ZSCAN12: variants seen among roughly 807,000 people sequenced by gnomAD.
ZSCAN12 encodes zinc finger and SCAN domain containing 12, also known as zinc finger and SCAN domain-containing protein 12.
ZSCAN12 carries 18 observed loss-of-function variants against 23.4 expected under a neutral mutation model. The ratio of observed to expected loss-of-function variants is 0.77; its 90% confidence interval spans 0.53 to 1.14. The LOEUF is 1.14. Ranked by LOEUF, ZSCAN12 falls within the 50% of genes most tolerant of loss-of-function variation. The probability of loss-of-function intolerance (pLI) is 0.00; values close to 1 mark genes in which losing one functional copy is unlikely to be tolerated. For missense variants in ZSCAN12, 650 were observed against 735.0 expected (o/e 0.88, Z 1.34); for synonymous variants, 186 against 253.4 (o/e 0.73, Z 2.53).
At chr6:28,382,307 T>C, downstream of ZSCAN12, 1 of 879,564 alleles carries the variant, frequency 1.1e-6, no homozygotes, top group Non-Finnish European at 1.6e-6. Context: ...GACAGCTCTG[T>C]GAAGTCCAAG....
downstream of ZSCAN12, chr6:28,381,647 C>G (rs1760248810): frequency 7.0e-6 from 1 of 143,420 alleles, no homozygotes; most frequent in Non-Finnish European, 1.5e-5. Flanking sequence ...CTAAAAGCTT[C>G]CCGTGAGGCT....
At chr6:28,399,293 C>T (rs529440986) in intron 1 of ZSCAN12, among the ~76,000 whole-genome samples, 3 of 152,300 alleles carry the variant, frequency 2.0e-5, no homozygotes, top group South Asian at 2.1e-4. Flanking sequence ...CCTCTAACCT[C>T]GTGGTCTGTG....
At chr6:28,379,949 T>G (rs1329586600), downstream of ZSCAN12, 1 of 152,220 alleles carries the variant, frequency 6.6e-6, no homozygotes, top group East Asian at 1.9e-4. Context: ...AAAACAGAGA[T>G]AATCATCCAG....
At position 28,392,959 on chromosome 6, in the gene ZSCAN12, A is replaced by C. The variant is rs998764807; in HGVS notation, c.490T>G (p.Ser164Ala). ...KEGEPSMSLQ[S>A]MKAQPKYESP... is the part of the protein sequence containing the mutation. ...TCATACTTTGGCTGGGCTTTCATGG[A>C]CTGGAGGGACATACTGGGTTCTCCT... Residue 164 changes from serine (S) to alanine (A), a missense_variant, in exon 3 of 4, where the codon TCC (serine) becomes GCC (alanine). Physicochemically the swap from Ser to Ala is moderately conservative, Grantham distance 99. Transcript: ENST00000684592. 1 of 1,552,170 alleles carries C rather than the reference A, an allele frequency of 6.4e-7. No homozygotes were observed. The highest frequency in any genetic ancestry group is 1.4e-5 in the African/African-American group (1 of 73,154).
Position 28,398,018 on chromosome 6 carries a change from C to A in ZSCAN12, c.388G>T (p.Glu130Ter). ...VLEDLERELD[E>*]PGEQVSVHTG... is the part of the protein sequence containing the mutation. The stretch of plus-strand genomic sequence containing the variant: ...TTTTTTCTCACCTGCTCTCCTGGTT[C>A]ATCCAGTTCTCTCTCTAAATCCTCC... The change falls in exon 2 of 4, where the codon GAA (glutamate) becomes TAA (stop). Residue 130 changes from glutamate (E) to a stop codon, truncating the protein, a stop_gained. Coordinates refer to ENST00000684592, the MANE Select transcript of ZSCAN12 (RefSeq NM_001163391.2). LOFTEE classifies it high-confidence loss of function. 6.3e-7 allele frequency: 1 copy of A among 1,594,884 alleles called. No homozygotes were observed. The highest frequency in any genetic ancestry group is 1.1e-5 in the South Asian group (1 of 88,372).
At chr6:28,398,741 C>A (rs1170123724) in intron 1 of ZSCAN12, among the ~76,000 whole-genome samples, 2 of 146,882 alleles carry the variant, frequency 1.4e-5, no homozygotes, top group African/African-American at 5.1e-5. Context: ...CATGGTGAAA[C>A]CCCGTCTCTA....
chr6:28,384,042 A>C (rs1277855900), downstream of ZSCAN12, among the ~76,000 whole-genome samples: 1 of 137,386 alleles, frequency 7.3e-6, no homozygotes, highest in Non-Finnish European at 1.6e-5. Flanking sequence ...CATAGGAGGA[A>C]ACTGAGGGAC....
In ZSCAN12 at chr6:28,388,837, A is replaced by G. The variant is rs142865926; in HGVS notation, c.*1617T>C. Among the ~76,000 whole-genome samples the G allele has an allele frequency of 4.6e-5, 7 of 152,316 alleles. No individual in the cohort carries two copies. The highest frequency in any genetic ancestry group is 6.8e-3 in the Middle Eastern group (2 of 294). On this transcript the variant is annotated 3_prime_UTR_variant, in exon 4 of 4. Coordinates refer to ENST00000684592, the MANE Select transcript of ZSCAN12 (RefSeq NM_001163391.2). Reference sequence around the variant, plus strand: ...GGCAGGGTAGAAAAGGAAGGAAATAACAGGCCATCTCAGTAGAGATTAAGA... The same window carrying G: ...GGCAGGGTAGAAAAGGAAGGAAATAGCAGGCCATCTCAGTAGAGATTAAGA...
chr6:28,395,676 C>G (rs1276324786), intron 2 of ZSCAN12, among the ~76,000 whole-genome samples: 2 of 152,230 alleles, frequency 1.3e-5, no homozygotes, highest in Non-Finnish European at 2.9e-5. Context: ...CTTTCCATCT[C>G]AGAATACAAT....
At chr6:28,392,162 G>A (rs1760872128) in intron 3 of ZSCAN12, among the ~76,000 whole-genome samples, 1 of 150,824 alleles carries the variant, frequency 6.6e-6, no homozygotes, top group Admixed American at 6.6e-5. Flanking sequence ...TGCAACATTT[G>A]TTTTATTATT....
chr6:28,383,710 A>T (rs1434004292), downstream of ZSCAN12, among the ~76,000 whole-genome samples: 4 of 152,084 alleles, frequency 2.6e-5, no homozygotes, highest in Non-Finnish European at 5.9e-5. Context: ...AAAGGGAAGA[A>T]ATCTCTCCTT....
At chr6:28,381,658 CTCCTCT>C (rs761053657), downstream of ZSCAN12, 2 of 140,946 alleles carry the variant, frequency 1.4e-5, no homozygotes, top group Non-Finnish European at 3.0e-5. Flanking sequence ...CCGTGAGGCT[CTCCTCT>C]TCTTTCTCTC....
At chr6:28,378,954 T>A (rs1014144987), downstream of ZSCAN12, 1 of 152,134 alleles carries the variant, frequency 6.6e-6, no homozygotes, top group Non-Finnish European at 1.5e-5. Flanking sequence ...CAGAACACAG[T>A]CCATCTTTGA....
In ZSCAN12 at chr6:28,387,338, G is replaced by A. The variant is rs1165951941; in HGVS notation, c.*3116C>T. ...ACCCCAAGTAAAGGCACTCAGAGGA[G>A]TAGAAGGCAAGTTTAAAACAACGAT... On this transcript the variant is annotated 3_prime_UTR_variant, in exon 4 of 4. Coordinates refer to ENST00000684592, the MANE Select transcript of ZSCAN12 (RefSeq NM_001163391.2). 6.6e-6 allele frequency among the ~76,000 whole-genome samples: 1 copy of A among 152,214 alleles called. No individual in the cohort carries two copies. The highest frequency in any genetic ancestry group is 1.9e-4 in the East Asian group (1 of 5,198).
intron 3 of ZSCAN12, among the ~76,000 whole-genome samples, chr6:28,392,206 C>A (rs1431591646): frequency 1.4e-5 from 2 of 144,180 alleles, no homozygotes; most frequent in Non-Finnish European, 3.0e-5. Flanking sequence ...TTGAGACAGT[C>A]TTGCTCTGTT....
At chr6:28,394,502 T>C (rs1284517309) in intron 2 of ZSCAN12, among the ~76,000 whole-genome samples, 1 of 152,210 alleles carries the variant, frequency 6.6e-6, no homozygotes, top group African/African-American at 2.4e-5. Flanking sequence ...AACGGTGTTT[T>C]GATATCTCAT....
chr6:28,390,955 C>G lies in ZSCAN12; in HGVS notation c.1335G>C (p.Lys445Asn). The G allele has an allele frequency of 6.4e-7, 1 of 1,557,230 alleles. No individual in the cohort carries two copies. The highest frequency in any genetic ancestry group is 8.7e-7 in the Non-Finnish European group (1 of 1,150,058). ...TCTGACTGAAGGATTTCCCACATTCCTTACACTGATAGCATTTTTCTTTGT... is the reference window on the plus strand; with the variant it reads ...TCTGACTGAAGGATTTCCCACATTCGTTACACTGATAGCATTTTTCTTTGT... The part of the protein sequence containing the change: ...IHHKEKCYQC[K>N]ECGKSFSQSG... The change falls in exon 4 of 4, where the codon AAG becomes AAC. Residue 445 changes from lysine (K) to asparagine (N), a missense_variant. Coordinates refer to ENST00000684592, the MANE Select transcript of ZSCAN12 (RefSeq NM_001163391.2).
chr6:28,386,985 G>T lies in ZSCAN12; in HGVS notation c.*3469C>A, dbSNP rs1463315762. ...TGGGATTACAGGCATGTGCCACCACGCCTGGTTAATTTTTGTATTTTTAGT... is the reference window on the plus strand; with the variant it reads ...TGGGATTACAGGCATGTGCCACCACTCCTGGTTAATTTTTGTATTTTTAGT... On this transcript the variant is annotated 3_prime_UTR_variant, in exon 4 of 4. Transcript: ENST00000684592. Among the ~76,000 whole-genome samples the T allele has an allele frequency of 6.6e-6, 1 of 151,978 alleles. No homozygotes were observed. Among genetic ancestry groups the T allele is most frequent in the Non-Finnish European group, 1.5e-5 (1 of 68,018 alleles).
intron 3 of ZSCAN12, among the ~76,000 whole-genome samples, chr6:28,392,430 C>T (rs1760890551): frequency 6.6e-6 from 1 of 152,182 alleles, no homozygotes; most frequent in South Asian, 2.1e-4. Context: ...CCCACCTTGG[C>T]CTCCCAAAGT....
Sources: allele counts gnomAD v4.1 joint callset (sites outside exome capture counted in the v4.1 genomes callset), GRCh38; gene constraint gnomAD v4.1.1; transcripts MANE v1.5; gene names NCBI Gene and HGNC (gene_info 2026-07-23, HGNC 2026-07-21).